Variants in SNCAIP observed in about 807,000 individuals in gnomAD.
SNCAIP encodes synphilin-1.
A neutral mutation model predicts 86.7 loss-of-function variants in SNCAIP; 43 were observed. The ratio of observed to expected loss-of-function variants is 0.50; its 90% CI spans 0.39 to 0.64. SNCAIP has a LOEUF of 0.64. SNCAIP is among the 30% of genes least tolerant of loss of function. The pLI, the probability that SNCAIP is intolerant of heterozygous loss-of-function variation, is 0.00. For synonymous variants in SNCAIP, 417 were observed against 427.2 expected (o/e 0.98, Z 0.29); for missense variants, 981 against 1,103.1 (o/e 0.89, Z 1.57).
At chr5:122,455,492 A>G (rs1190382857) in intron 10 of SNCAIP, among the ~76,000 whole-genome samples, 1 of 152,198 alleles carries the variant, frequency 6.6e-6, no homozygotes, top group Non-Finnish European at 1.5e-5. Context: ...CCTCTCAGGT[A>G]GCAGGGATGC....
intron 1 of SNCAIP, among the ~76,000 whole-genome samples, chr5:122,386,690 A>G (rs1360473397): frequency 1.3e-5 from 2 of 152,098 alleles, no homozygotes; most frequent in African/African-American, 2.4e-5. Context: ...CTGTGTCCCC[A>G]CATTCTAATC....
intron 1 of SNCAIP, among the ~76,000 whole-genome samples, chr5:122,357,059 C>A (rs914770451): frequency 1.3e-5 from 2 of 152,146 alleles, no homozygotes; most frequent in Non-Finnish European, 2.9e-5. Context: ...CTGATACTCT[C>A]GCAGTCTCCT....
chr5:122,452,853 T>C, intron 10 of SNCAIP: 1 of 935,702 alleles, frequency 1.1e-6, no homozygotes, highest in Non-Finnish European at 1.7e-6. Context: ...GCATGCTTCA[T>C]GTTTACTGGG....
intron 1 of SNCAIP, among the ~76,000 whole-genome samples, chr5:122,319,698 G>T (rs906906021): frequency 6.6e-6 from 1 of 152,192 alleles, no homozygotes; most frequent in Non-Finnish European, 1.5e-5. Context: ...TAAAAAATCT[G>T]TTTTAAAAGC....
chr5:122,374,169 T>C (rs1764812201), intron 1 of SNCAIP, among the ~76,000 whole-genome samples: 1 of 152,190 alleles, frequency 6.6e-6, no homozygotes, highest in South Asian at 2.1e-4. Flanking sequence ...AGATGACATA[T>C]GGTGACATCT....
chr5:122,377,785 C>T (rs1205304715), intron 1 of SNCAIP, among the ~76,000 whole-genome samples: 6 of 145,472 alleles, frequency 4.1e-5, no homozygotes, highest in Admixed American at 3.5e-4. Context: ...TGAGAATATG[C>T]GGTGTTTGGT....
intron 10 of SNCAIP, among the ~76,000 whole-genome samples, chr5:122,463,214 TA>T (rs1786877092): frequency 1.3e-5 from 2 of 152,246 alleles, no homozygotes; most frequent in African/African-American, 4.8e-5. Flanking sequence ...CCCTTGACTG[TA>T]AAATGCCTGT....
chr5:122,427,581 TA>T (rs1378384325), intron 5 of SNCAIP, among the ~76,000 whole-genome samples: 2 of 152,184 alleles, frequency 1.3e-5, no homozygotes, highest in African/African-American at 4.8e-5. Context: ...TCCTGACGCA[TA>T]TTTTGTCTCA....
intron 1 of SNCAIP, among the ~76,000 whole-genome samples, chr5:122,330,113 A>ATTTTTTT (rs1387266417): frequency 2.2e-4 from 27 of 120,332 alleles, no homozygotes; most frequent in African/African-American, 1.0e-3. Flanking sequence ...GTACAACTTC[A>ATTTTTTT]TTTCTTTTTT....
At chr5:122,455,974 T>C (rs1784651666) in intron 10 of SNCAIP, among the ~76,000 whole-genome samples, 1 of 152,210 alleles carries the variant, frequency 6.6e-6, no homozygotes, top group African/African-American at 2.4e-5. Context: ...CAAGGAAATG[T>C]TTGCAATTAC....
intron 1 of SNCAIP, chr5:122,371,862 G>A (rs1445046356): frequency 1.3e-5 from 2 of 152,128 alleles, no homozygotes; most frequent in African/African-American, 2.4e-5. Flanking sequence ...TCAAGTTGGT[G>A]TTAAATAAAT....
chr5:122,444,109 G>A (rs1465871802), intron 7 of SNCAIP: 1 of 457,392 alleles, frequency 2.2e-6, no homozygotes. Context: ...TGATCAGGTT[G>A]GCGCAGCAAC....
At chr5:122,316,389 C>T (rs1430036819) in intron 1 of SNCAIP, among the ~76,000 whole-genome samples, 2 of 152,214 alleles carry the variant, frequency 1.3e-5, no homozygotes, top group Non-Finnish European at 2.9e-5. Context: ...CACACCAGGT[C>T]AGCACACAAT....
intron 2 of SNCAIP, among the ~76,000 whole-genome samples, chr5:122,402,669 G>A (rs1022805634): frequency 4.6e-5 from 7 of 152,166 alleles, no homozygotes; most frequent in Non-Finnish European, 7.4e-5. Flanking sequence ...ATGTATTGAC[G>A]TCAAGCTAAC....
chr5:122,387,324 A>C (rs1580902873), intron 1 of SNCAIP, among the ~76,000 whole-genome samples: 1 of 151,776 alleles, frequency 6.6e-6, no homozygotes, highest in South Asian at 2.1e-4. Context: ...ACGCCCGGCT[A>C]ATGTTTTGCA....
At chr5:122,397,416 A>G (rs1340504889) in intron 2 of SNCAIP, among the ~76,000 whole-genome samples, 1 of 152,144 alleles carries the variant, frequency 6.6e-6, no homozygotes, top group Non-Finnish European at 1.5e-5. Context: ...TAACATTGCA[A>G]TAGAGTAGTT....
intron 1 of SNCAIP, among the ~76,000 whole-genome samples, chr5:122,324,024 TG>T (rs1561509985): frequency 3.3e-5 from 5 of 152,300 alleles, no homozygotes; most frequent in Admixed American, 2.0e-4. Context: ...AAGATTGCTA[TG>T]TGCTATTTTA....
intron 4 of SNCAIP, among the ~76,000 whole-genome samples, chr5:122,424,110 A>T (rs890504914): frequency 6.6e-6 from 1 of 152,190 alleles, no homozygotes; most frequent in African/African-American, 2.4e-5. Context: ...TTCTTGGCTG[A>T]TGGTGGACCT....
chr5:122,424,078 C>A (rs1776916134), intron 4 of SNCAIP, among the ~76,000 whole-genome samples: 1 of 152,178 alleles, frequency 6.6e-6, no homozygotes, highest in Non-Finnish European at 1.5e-5. Flanking sequence ...TGCTCTCACG[C>A]AGCTATTTGT....
Sources: allele counts gnomAD v4.1 joint callset (sites outside exome capture counted in the v4.1 genomes callset), GRCh38; gene constraint gnomAD v4.1.1; transcripts MANE v1.5; gene names NCBI Gene and HGNC (gene_info 2026-07-23, HGNC 2026-07-21).